LRRCC1: variants seen among roughly 807,000 people sequenced by gnomAD.
LRRCC1 encodes leucine rich repeat and coiled-coil centrosomal protein 1.
A neutral mutation model predicts 126.0 loss-of-function variants in LRRCC1; 115 were observed. That is an observed-to-expected ratio of 0.91 (90% CI 0.78 to 1.07). LRRCC1 has a LOEUF of 1.07. Ranked by LOEUF, LRRCC1 falls within the 50% of genes least tolerant of loss-of-function variation. The pLI is 0.00. For missense variants in LRRCC1, 1,172 were observed against 1,175.7 expected, an observed-to-expected ratio of 1.00 and a Z score of 0.05; for synonymous variants, 400 against 393.4, an observed-to-expected ratio of 1.02 and a Z score of -0.20.
Position 85,135,020 on chromosome 8 carries a change from A to C in LRRCC1, c.2142A>C (p.Ala714=). Reference sequence around the variant, plus strand: ...TTTCTAAATTGAAACAAGAAACAGCAGCAAATTTACAGGTAAGACTTTGCA... The same window carrying C: ...TTTCTAAATTGAAACAAGAAACAGCCGCAAATTTACAGGTAAGACTTTGCA... ...AEVSKLKQET[A]ANLQNQINTL... The change falls in exon 13 of 19, where the codon GCA becomes GCC. Residue 714 remains alanine (A), a synonymous_variant. Coordinates refer to ENST00000360375, the MANE Select transcript of LRRCC1 (RefSeq NM_033402.5). The C allele has an allele frequency of 6.5e-7, 1 of 1,540,658 alleles. No individual in the cohort carries two copies. Among genetic ancestry groups the C allele is most frequent in the Non-Finnish European group, 8.7e-7 (1 of 1,154,414 alleles).
At chr8:85,117,937 G>A (rs1809246869) in intron 6 of LRRCC1, among the ~76,000 whole-genome samples, 1 of 152,044 alleles carries the variant, frequency 6.6e-6, no homozygotes, top group Admixed American at 6.5e-5. Flanking sequence ...ATACAGGTCT[G>A]CATATTTCCT....
intron 2 of LRRCC1, 120 bp from the exon 3 acceptor site, chr8:85,109,995 C>A: frequency 1.6e-6 from 1 of 606,244 alleles, no homozygotes; most frequent in Non-Finnish European, 2.8e-6. Context: ...AAATTGATTT[C>A]GCTGTTACCA....
intron 18 of LRRCC1, among the ~76,000 whole-genome samples, chr8:85,144,837 G>A (rs760638829): frequency 5.7e-4 from 84 of 146,348 alleles, no homozygotes; most frequent in South Asian, 8.6e-4. Context: ...TTGGGAGGCC[G>A]AGGTGGGCGG....
rs1421694777 is a variant in LRRCC1, at chr8:85,145,951, A to C, written c.*440A>C. On this transcript the variant is annotated 3_prime_UTR_variant, in exon 19 of 19. Coordinates refer to ENST00000360375, the MANE Select transcript of LRRCC1 (RefSeq NM_033402.5). ...TACTTATGTAGCCAAAAAGCATTTG[A>C]AATCTGTATGATAAAAGATGTGGCA... 6.6e-6 allele frequency: 1 copy of C among 152,510 alleles called. No individual in the cohort carries two copies. Among genetic ancestry groups the C allele is most frequent in the Non-Finnish European group, 1.5e-5 (1 of 68,246 alleles). The allele number at this position is 152,510 out of a possible 1,614,324, so 9.4% of individuals were successfully genotyped here.
intron 1 of LRRCC1, 50 bp downstream of exon 1, chr8:85,107,449 G>C: frequency 6.7e-7 from 1 of 1,488,794 alleles, no homozygotes; most frequent in Non-Finnish European, 9.1e-7. Context: ...CCCAGAGCCG[G>C]GGCCACGAGT....
rs142306191 is a variant in LRRCC1, at chr8:85,120,304, G to A, written c.931-3109G>A. Reference sequence around the variant, plus strand: ...GTTGCTGATGCTTGGTTTTTTGTTTGTAGAGGTGGGGGGGTTGATCTAGTT... The same window carrying A: ...GTTGCTGATGCTTGGTTTTTTGTTTATAGAGGTGGGGGGGTTGATCTAGTT... On this transcript the variant is annotated intron_variant, in intron 6 of 18. Coordinates refer to ENST00000360375, the MANE Select transcript of LRRCC1 (RefSeq NM_033402.5). 8.5e-3 allele frequency among the ~76,000 whole-genome samples: 1,296 copies of A among 152,064 alleles called. 6 individuals carry two copies. The highest frequency in any genetic ancestry group is 0.012 in the Non-Finnish European group (824 of 67,978).
intron 17 of LRRCC1, among the ~76,000 whole-genome samples, chr8:85,138,687 A>G (rs1489039664): frequency 6.6e-6 from 1 of 152,214 alleles, no homozygotes; most frequent in African/African-American, 2.4e-5. Flanking sequence ...ATATGTGTGT[A>G]TTTATGAATA....
chr8:85,129,727 A>G (rs550154464), intron 10 of LRRCC1, among the ~76,000 whole-genome samples, 192 bp from the exon 11 acceptor site: 1 of 152,332 alleles, frequency 6.6e-6, no homozygotes, highest in East Asian at 1.9e-4. Context: ...GCAAATAAGC[A>G]ATAGTTAATG....
At chr8:85,143,540 G>A (rs1811414407) in intron 18 of LRRCC1, among the ~76,000 whole-genome samples, 1 of 151,462 alleles carries the variant, frequency 6.6e-6, no homozygotes, top group Non-Finnish European at 1.5e-5. Context: ...TCAGGAGGCT[G>A]AGATGGGAGG....
At chr8:85,120,138 T>A (rs907623409) in intron 6 of LRRCC1, among the ~76,000 whole-genome samples, 6 of 152,226 alleles carry the variant, frequency 3.9e-5, no homozygotes, top group Non-Finnish European at 8.8e-5. Context: ...AGTTTTTTTT[T>A]ATAGCCTGGC....
chr8:85,107,987 C>A (rs965151513), intron 1 of LRRCC1, among the ~76,000 whole-genome samples: 1 of 152,194 alleles, frequency 6.6e-6, no homozygotes, highest in African/African-American at 2.4e-5. Flanking sequence ...TCTCTTGAAG[C>A]CCTGACTTGT....
chr8:85,139,606 G>C (rs1811126294), intron 17 of LRRCC1, among the ~76,000 whole-genome samples: 1 of 152,132 alleles, frequency 6.6e-6, no homozygotes, highest in Non-Finnish European at 1.5e-5. Context: ...TGTGTACCTG[G>C]CTGCCACTGT....
At chr8:85,139,325 C>T (rs1404355522) in intron 17 of LRRCC1, among the ~76,000 whole-genome samples, 1 of 152,038 alleles carries the variant, frequency 6.6e-6, no homozygotes, top group African/African-American at 2.4e-5. Context: ...AGTGCAATGG[C>T]ACGATCTGGG....
At chr8:85,136,980 A>G (rs1810919411) in intron 14 of LRRCC1, among the ~76,000 whole-genome samples, 1 of 151,004 alleles carries the variant, frequency 6.6e-6, no homozygotes, top group African/African-American at 2.4e-5. Flanking sequence ...ATGAGCCACT[A>G]TGCCCGGCTA....
intron 3 of LRRCC1, among the ~76,000 whole-genome samples, chr8:85,111,903 C>CT (rs750693088): frequency 6.0e-5 from 9 of 149,410 alleles, no homozygotes; most frequent in East Asian, 2.0e-4. Flanking sequence ...GAGGTAAAGT[C>CT]TCGCTCTGGG....
chr8:85,143,188 G>C (rs1379488333), intron 18 of LRRCC1, among the ~76,000 whole-genome samples: 1 of 152,114 alleles, frequency 6.6e-6, no homozygotes, highest in African/African-American at 2.4e-5. Flanking sequence ...TGGGCATGGT[G>C]GCACATGCCT....
chr8:85,140,833 C>T (rs1020309434), intron 17 of LRRCC1, among the ~76,000 whole-genome samples: 2 of 152,076 alleles, frequency 1.3e-5, no homozygotes, highest in South Asian at 2.1e-4. Context: ...GAGGCCGAGG[C>T]GGGCAGATCA....
intron 12 of LRRCC1, among the ~76,000 whole-genome samples, chr8:85,134,194 A>C (rs1473021098): frequency 6.6e-6 from 1 of 152,116 alleles, no homozygotes; most frequent in Non-Finnish European, 1.5e-5. Context: ...CATCCTTCTA[A>C]CCTTTTACCC....
Position 85,115,166 on chromosome 8 carries a change from G to A in LRRCC1, c.611G>A (p.Gly204Asp), listed in dbSNP as rs1184169424. ...LRILDCKNIF[G>D]EPVNLTEINS... The stretch of plus-strand genomic sequence containing the variant: ...ATCCTAGATTGCAAGAACATATTTG[G>A]TGAACCAGTAAATTTGACAGAAATA... Residue 204 changes from glycine (G) to aspartate (D), a missense_variant, in exon 5 of 19, where the codon GGT (glycine) becomes GAT (aspartate). By Grantham distance (94) the Gly-to-Asp change is moderately conservative. Transcript: ENST00000360375. 6.2e-7 allele frequency: 1 copy of A among 1,612,902 alleles called. No individual in the cohort carries two copies. The highest frequency in any genetic ancestry group is 8.5e-7 in the Non-Finnish European group (1 of 1,179,330).
Sources: gnomAD v4.1 joint callset for allele counts (sites outside exome capture counted in the v4.1 genomes callset) on GRCh38, gnomAD v4.1.1 for gene constraint, MANE v1.5 for transcripts, NCBI Gene and HGNC (gene_info 2026-07-23, HGNC 2026-07-21) for gene names.